DPYD: variants seen among roughly 807,000 people sequenced by gnomAD.
DPYD encodes dihydropyrimidine dehydrogenase [NADP(+)].
DPYD carries 109 observed loss-of-function variants against 116.2 expected under a neutral mutation model. The ratio of observed to expected loss-of-function variants is 0.94; its 90% CI spans 0.80 to 1.10. DPYD has a LOEUF of 1.10. Ranked by LOEUF, DPYD falls within the 50% of genes least tolerant of loss-of-function variation. The probability of loss-of-function intolerance (pLI) is 0.00; values close to 1 mark genes in which losing one functional copy is unlikely to be tolerated. For synonymous variants in DPYD, 440 were observed against 432.0 expected, an observed-to-expected ratio of 1.02 and a Z score of -0.23; for missense variants, 1,302 against 1,254.5, an observed-to-expected ratio of 1.04 and a Z score of -0.57.
At chr1:97,548,042 A>G (rs1651033255) in intron 12 of DPYD, among the ~76,000 whole-genome samples, 1 of 152,226 alleles carries the variant, frequency 6.6e-6, no homozygotes, top group South Asian at 2.1e-4. Flanking sequence ...TGGTCATGGA[A>G]AAGAGGAAGA....
chr1:97,879,119 G>A (rs57653088), intron 2 of DPYD, among the ~76,000 whole-genome samples: 3,010 of 152,020 alleles, frequency 0.02, 89 homozygotes, highest in African/African-American at 0.065. Flanking sequence ...ACTGTGAATA[G>A]GTTTCTTATG....
At chr1:97,886,685 A>T (rs1170084072) in intron 1 of DPYD, among the ~76,000 whole-genome samples, 1 of 152,038 alleles carries the variant, frequency 6.6e-6, no homozygotes, top group Admixed American at 6.6e-5. Flanking sequence ...CCCCCAAAGG[A>T]ACTGACTTTA....
intron 3 of DPYD, among the ~76,000 whole-genome samples, chr1:97,742,853 A>G (rs1236875636): frequency 3.3e-5 from 5 of 152,150 alleles, no homozygotes; most frequent in African/African-American, 7.2e-5. Context: ...AGTTGTAAAA[A>G]TATCTGCCAT....
At chr1:97,307,566 A>G (rs1052320810) in intron 16 of DPYD, among the ~76,000 whole-genome samples, 1 of 151,958 alleles carries the variant, frequency 6.6e-6, no homozygotes, top group East Asian at 2.0e-4. Context: ...GATTGTTATC[A>G]TCTCTATTAA....
chr1:97,116,527 C>G (rs898587687), intron 20 of DPYD, among the ~76,000 whole-genome samples: 1 of 151,822 alleles, frequency 6.6e-6, no homozygotes, highest in Non-Finnish European at 1.5e-5. Context: ...CAAAACTTAG[C>G]TGGGTGTGGT....
intron 12 of DPYD, among the ~76,000 whole-genome samples, chr1:97,543,077 A>T (rs190571715): frequency 6.6e-6 from 1 of 152,174 alleles, no homozygotes; most frequent in Non-Finnish European, 1.5e-5. Flanking sequence ...TTTCTTTCAT[A>T]ATCTTCTGCA....
In DPYD at chr1:97,667,170, T is replaced by G. The variant is rs1024915739; in HGVS notation, c.850+11925A>C. On this transcript the variant is annotated intron_variant, in intron 8 of 22. Coordinates refer to ENST00000370192, the MANE Select transcript of DPYD (RefSeq NM_000110.4). ...ATATCTGTTCATTTATAGACAAATT[T>G]TGTAGACAACTCACTTTATTAGTTA... 2.0e-5 allele frequency among the ~76,000 whole-genome samples: 3 copies of G among 152,178 alleles called. No individual in the cohort carries two copies. In the East Asian group the frequency reaches 5.8e-4, roughly 29 times the overall value.
chr1:97,638,566 T>C (rs1051386188), intron 8 of DPYD, among the ~76,000 whole-genome samples: 52 of 152,138 alleles, frequency 3.4e-4, no homozygotes, highest in African/African-American at 1.3e-3. Flanking sequence ...ACTTAGTCCA[T>C]TTTGCATTGC....
intron 3 of DPYD, among the ~76,000 whole-genome samples, chr1:97,763,804 A>C (rs1484784633): frequency 1.3e-5 from 2 of 152,082 alleles, no homozygotes; most frequent in Non-Finnish European, 2.9e-5. Context: ...AAAGGCATCA[A>C]AATTCTCAAT....
At chr1:97,499,698 TCA>T (rs1259976701) in intron 13 of DPYD, among the ~76,000 whole-genome samples, 1 of 151,930 alleles carries the variant, frequency 6.6e-6, no homozygotes, top group Non-Finnish European at 1.5e-5. Flanking sequence ...AATAAGAAAG[TCA>T]CAACAATTTT....
At chr1:97,289,970 G>A (rs1315684829) in intron 18 of DPYD, among the ~76,000 whole-genome samples, 1 of 152,120 alleles carries the variant, frequency 6.6e-6, no homozygotes, top group Admixed American at 6.5e-5. Flanking sequence ...TCCTTAAGCT[G>A]ATAAGCAACT....
intron 14 of DPYD, among the ~76,000 whole-genome samples, chr1:97,449,257 T>C (rs976754008): frequency 1.3e-5 from 2 of 152,112 alleles, no homozygotes; most frequent in Non-Finnish European, 2.9e-5. Flanking sequence ...AACCCACACA[T>C]TGCCTCAAAC....
intron 20 of DPYD, among the ~76,000 whole-genome samples, chr1:97,154,649 T>C (rs1385436597): frequency 1.3e-5 from 2 of 150,642 alleles, no homozygotes; most frequent in Non-Finnish European, 2.9e-5. Flanking sequence ...GGGTTGATGT[T>C]GCAGTCAGCA....
At chr1:97,258,319 GCCA>G (rs1229400369) in intron 18 of DPYD, among the ~76,000 whole-genome samples, 2 of 152,232 alleles carry the variant, frequency 1.3e-5, no homozygotes, top group African/African-American at 4.8e-5. Context: ...GGCCTCTCCT[GCCA>G]CCACAAGAGC....
chr1:97,167,881 C>T (rs1306742450), intron 20 of DPYD, among the ~76,000 whole-genome samples: 1 of 152,132 alleles, frequency 6.6e-6, no homozygotes, highest in Non-Finnish European at 1.5e-5. Context: ...CTAAAATTCA[C>T]AAGTTTGTAG....
intron 16 of DPYD, among the ~76,000 whole-genome samples, chr1:97,311,991 G>A (rs1203270109): frequency 6.6e-6 from 1 of 151,746 alleles, no homozygotes; most frequent in Non-Finnish European, 1.5e-5. Flanking sequence ...CATATAGGGA[G>A]CTTTTGAGGT....
At chr1:97,395,700 G>C (rs149311253) in intron 14 of DPYD, among the ~76,000 whole-genome samples, 103 of 152,070 alleles carry the variant, frequency 6.8e-4, no homozygotes, top group African/African-American at 2.3e-3. Context: ...CCAACCTTTG[G>C]GTGTGCGCTG....
intron 8 of DPYD, among the ~76,000 whole-genome samples, chr1:97,605,430 T>A (rs750452875): frequency 2.0e-5 from 3 of 151,968 alleles, no homozygotes; most frequent in African/African-American, 4.8e-5. Context: ...TTTATAAGCA[T>A]CTGTGATTTC....
chr1:97,314,876 C>G (rs1395351921), intron 16 of DPYD, among the ~76,000 whole-genome samples: 1 of 151,942 alleles, frequency 6.6e-6, no homozygotes, highest in African/African-American at 2.4e-5. Flanking sequence ...GTTTCATGTG[C>G]TATTCTAGAC....
Sources: gnomAD v4.1 joint callset for allele counts (sites outside exome capture counted in the v4.1 genomes callset) on GRCh38, gnomAD v4.1.1 for gene constraint, MANE v1.5 for transcripts, NCBI Gene and HGNC (gene_info 2026-07-23, HGNC 2026-07-21) for gene names.